Variants in QPRT observed in about 807,000 individuals in gnomAD.
QPRT encodes the protein quinolinate phosphoribosyltransferase.
QPRT carries 17 observed loss-of-function variants against 19.8 expected under a neutral mutation model. That is an observed-to-expected ratio of 0.86 (90% confidence interval 0.59 to 1.29). QPRT has a LOEUF of 1.29. QPRT is among the 50% of genes most tolerant of loss of function. The pLI is 0.00. For missense variants in QPRT, 336 were observed against 405.1 expected (o/e 0.83, Z 1.46); for synonymous variants, 178 against 191.0 (o/e 0.93, Z 0.56).
rs1454700312 is a variant in QPRT at position 29,698,415 on chromosome 16, A to T, written c.*1004A>T. ...ACCACCCGGCCCTGGTAGTTAAAAA[A>T]AAGTAACAATAATAATAATATCAAC... is the stretch of plus-strand genomic sequence containing the variant. On this transcript the variant is annotated 3_prime_UTR_variant, in exon 4 of 4. Transcript: ENST00000395384. 2.0e-5 allele frequency: 3 copies of T among 152,264 alleles called. No homozygotes were observed. The highest frequency in any genetic ancestry group is 7.2e-5 in the African/African-American group (3 of 41,448). 9.4% of individuals were successfully genotyped at this position (152,264 alleles called of 1,614,324 possible).
intron 1 of QPRT, among the ~76,000 whole-genome samples, chr16:29,682,580 G>A (rs1346989381): frequency 4.0e-5 from 6 of 151,632 alleles, no homozygotes; most frequent in African/African-American, 7.3e-5. Context: ...GGGTTTTGCC[G>A]TGCTGGCCAG....
chr16:29,694,782 G>A lies in QPRT; in HGVS notation c.132G>A (p.Ala44=), dbSNP rs146247933. Residue 44 remains alanine, a synonymous_variant, in exon 2 of 4, where the codon GCG becomes GCA. Coordinates refer to ENST00000395384, the MANE Select transcript of QPRT (RefSeq NM_014298.6). ...TCAGCGGGGCAGGCCCCTCGCAGGC[G>A]GCGCTGTGGGCCAAATCCCCTGGGG... ...ALVSGAGPSQ[A]ALWAKSPGVL... is the part of the protein sequence containing the mutation. 1.1e-4 allele frequency: 175 copies of A among 1,613,920 alleles called. 1 individual carries two copies. The African/African-American group carries it at 2.1e-3, about 19-fold the overall frequency.
At chr16:29,686,620 C>T (rs1967169170) in intron 1 of QPRT, among the ~76,000 whole-genome samples, 1 of 152,106 alleles carries the variant, frequency 6.6e-6, no homozygotes, top group African/African-American at 2.4e-5. Context: ...CTCAGCCTCC[C>T]GAGTAGCTGG....
chr16:29,679,735 G>A (rs933907930), intron 1 of QPRT, among the ~76,000 whole-genome samples: 1 of 152,152 alleles, frequency 6.6e-6, no homozygotes, highest in Non-Finnish European at 1.5e-5. Flanking sequence ...GAAAAGACAA[G>A]TTAAGATTTA....
At chr16:29,695,484 CTTT>C (rs962384967) in intron 2 of QPRT, among the ~76,000 whole-genome samples, 50 of 93,608 alleles carry the variant, frequency 5.3e-4, no homozygotes, top group African/African-American at 1.9e-3. Context: ...CTAATTTTTG[CTTT>C]TTTTTTTTTT....
chr16:29,681,093 A>T (rs12599318), intron 1 of QPRT, among the ~76,000 whole-genome samples: 1 of 151,370 alleles, frequency 6.6e-6, no homozygotes, highest in African/African-American at 2.4e-5. Context: ...ACCAGCTCTC[A>T]GGGGTCCCAT....
intron 2 of QPRT, chr16:29,695,954 T>A (rs993863500): frequency 1.3e-5 from 2 of 152,380 alleles, no homozygotes; most frequent in Non-Finnish European, 2.9e-5. Context: ...TTCTTTATCT[T>A]TGTTCTGCTG....
Position 29,695,028 on chromosome 16 carries a change from G to T in QPRT, c.378G>T (p.Arg126Ser), listed in dbSNP as rs368435241. Reference sequence around the variant, plus strand: ...CCGCCGCTGCAGTGGAGGCCGCCAGGGGGGCCGGCTGGACTGGGCACGTGG... The same window carrying T: ...CCGCCGCTGCAGTGGAGGCCGCCAGTGGGGCCGGCTGGACTGGGCACGTGG... Reference protein sequence around the residue: ...SAAAAAVEAARGAGWTGHVAG... With the variant: ...SAAAAAVEAASGAGWTGHVAG... The change falls in exon 2 of 4, where the codon AGG (arginine) becomes AGT (serine). Residue 126 changes from arginine (R) to serine (S), a missense_variant. Coordinates refer to ENST00000395384, the MANE Select transcript of QPRT (RefSeq NM_014298.6). 6.9e-5 allele frequency: 111 copies of T among 1,605,138 alleles called. 1 individual carries two copies. In the African/African-American group the frequency reaches 1.2e-3, roughly 17 times the overall value.
chr16:29,689,944 A>C (rs1022232596), intron 1 of QPRT, among the ~76,000 whole-genome samples: 15 of 152,078 alleles, frequency 9.9e-5, no homozygotes, highest in African/African-American at 3.1e-4. Flanking sequence ...CAATGCTCCC[A>C]GCTGATTAAA....
In QPRT at chr16:29,694,773, C is replaced by T. The variant is rs1338622989; in HGVS notation, c.123C>T (p.Pro41=). ...CAGCCTTGGTCAGCGGGGCAGGCCC[C>T]TCGCAGGCGGCGCTGTGGGCCAAAT... ...NYAALVSGAG[P]SQAALWAKSP... is the part of the protein sequence containing the mutation. The change falls in exon 2 of 4, where the codon CCC becomes CCT. Residue 41 remains proline (P), a synonymous_variant. Transcript: ENST00000395384. The T allele has an allele frequency of 1.2e-6, 2 of 1,613,632 alleles. No homozygotes were observed. The highest frequency in any genetic ancestry group is 1.1e-5 in the South Asian group (1 of 90,964).
At chr16:29,692,557 A>C (rs1268546085) in intron 1 of QPRT, among the ~76,000 whole-genome samples, 6 of 149,542 alleles carry the variant, frequency 4.0e-5, no homozygotes, top group African/African-American at 1.5e-4. Context: ...ACAGAACGAG[A>C]CTATCTCCAA....
chr16:29,693,258 T>C (rs1967406548), intron 1 of QPRT, among the ~76,000 whole-genome samples: 1 of 152,078 alleles, frequency 6.6e-6, no homozygotes, highest in Non-Finnish European at 1.5e-5. Context: ...CCATTAACCT[T>C]CCCCACCTCC....
intron 1 of QPRT, among the ~76,000 whole-genome samples, chr16:29,685,345 C>T (rs984480357): frequency 3.9e-5 from 6 of 152,074 alleles, no homozygotes; most frequent in African/African-American, 1.4e-4. Flanking sequence ...ATGCTGCATG[C>T]CTGTAATCCC....
intron 1 of QPRT, among the ~76,000 whole-genome samples, chr16:29,683,369 T>C (rs536266551): frequency 4.6e-5 from 7 of 151,510 alleles, no homozygotes; most frequent in South Asian, 2.1e-4. Context: ...TTTTTTTTTT[T>C]CCCTGAGGCA....
intron 2 of QPRT, 142 bp from the exon 3 acceptor site, chr16:29,696,854 G>C: frequency 1.0e-6 from 1 of 990,448 alleles, no homozygotes; most frequent in Non-Finnish European, 1.4e-6. Context: ...TCCACCCGAA[G>C]CTTTTCAAAT....
Position 29,694,656 on chromosome 16 carries a change from C to T in QPRT, c.14-8C>T, listed in dbSNP as rs779649797. 2.0e-6 allele frequency: 3 copies of T among 1,515,110 alleles called. No individual in the cohort carries two copies. Among genetic ancestry groups the T allele is most frequent in the Middle Eastern group, 1.8e-4 (1 of 5,594 alleles). 93.9% of individuals were successfully genotyped at this position (1,515,110 alleles called of 1,614,324 possible). On this transcript the variant is annotated splice_region_variant and splice_polypyrimidine_tract_variant and intron_variant, in intron 1 of 3. Coordinates refer to ENST00000395384, the MANE Select transcript of QPRT (RefSeq NM_014298.6). Reference sequence around the variant, plus strand: ...CCAAACTCAACAGCTGTTCTCTCTTCCCCCCAGGCCTGGCGCTGCTGCTGC... The same window carrying T: ...CCAAACTCAACAGCTGTTCTCTCTTTCCCCCAGGCCTGGCGCTGCTGCTGC...
At chr16:29,686,942 G>C (rs890769057) in intron 1 of QPRT, among the ~76,000 whole-genome samples, 1 of 152,240 alleles carries the variant, frequency 6.6e-6, no homozygotes, top group African/African-American at 2.4e-5. Flanking sequence ...CACCTGCACT[G>C]TGTGGGGTGT....
rs553671695 is a variant in QPRT, at chr16:29,684,987, C to T, written c.13+5777C>T. ...TGCTGTCCCACCTCCACCCTGCCTG[C>T]TCTTCTCCTGGAATGACTCCTTCTG... On this transcript the variant is annotated intron_variant, in intron 1 of 3. Transcript: ENST00000395384. Among the ~76,000 whole-genome samples, 3 of 152,228 alleles carry T rather than the reference C, an allele frequency of 2.0e-5. No homozygotes were observed. The East Asian group carries it at 5.8e-4, about 30-fold the overall frequency.
rs772394969 is a variant in QPRT, at chr16:29,697,155, G to C, written c.681+28G>C. On this transcript the variant is annotated intron_variant, in intron 3 of 3. Transcript: ENST00000395384. The surrounding 1 kb of genome is among the most constrained non-coding windows in gnomAD (Gnocchi z 4.4). Reference sequence around the variant, plus strand: ...AAGGTGGGCTCTGCCTCCGGGGAGGGATCTGTGGTGGGCTCTTACCTCCCC... The same window carrying C: ...AAGGTGGGCTCTGCCTCCGGGGAGGCATCTGTGGTGGGCTCTTACCTCCCC... The C allele has an allele frequency of 4.4e-6, 7 of 1,599,020 alleles. No individual in the cohort carries two copies. Among genetic ancestry groups the C allele is most frequent in the Middle Eastern group, 3.4e-4 (2 of 5,864 alleles).
Sources: allele counts gnomAD v4.1 joint callset (sites outside exome capture counted in the v4.1 genomes callset), GRCh38; gene constraint gnomAD v4.1.1; non-coding constraint Gnocchi (gnomAD v3.1); transcripts MANE v1.5; gene names NCBI Gene and HGNC (gene_info 2026-07-23, HGNC 2026-07-21).